Variants in PLXNA2 observed in about 807,000 individuals in gnomAD.
PLXNA2 encodes plexin A2.
PLXNA2 carries 91 observed loss-of-function variants against 193.5 expected under a neutral mutation model. The observed-to-expected ratio is 0.47, with a 90% CI of 0.40 to 0.56. The LOEUF is 0.56. PLXNA2 is among the 20% of genes least tolerant of loss of function. The pLI is 0.00. For synonymous variants in PLXNA2, 997 were observed against 1,027.3 expected, an observed-to-expected ratio of 0.97 and a Z score of 0.56; for missense variants, 1,995 against 2,503.2, an observed-to-expected ratio of 0.80 and a Z score of 4.33.
chr1:208,104,259 G>C (rs1667190164), intron 4 of PLXNA2, among the ~76,000 whole-genome samples: 1 of 152,194 alleles, frequency 6.6e-6, no homozygotes. Flanking sequence ...ATATGACGGA[G>C]ACATCTCCAC....
rs149381114 is a variant in PLXNA2 at position 208,033,490 on chromosome 1, C to T, written c.4884G>A (p.Thr1628=). ...ISRYDSSFRY[T]GSPDSLRSRA... The stretch of plus-strand genomic sequence containing the variant: ...GGGACCGCAGGCTGTCGGGGCTGCC[C>T]GTATACCTGAAGGAGGAGTCTGAGG... The change falls in exon 28 of 32, where the codon ACG becomes ACA. Residue 1628 remains threonine (T), a synonymous_variant. Transcript: ENST00000367033. 2.8e-5 allele frequency: 45 copies of T among 1,610,308 alleles called. No individual in the cohort carries two copies. Among genetic ancestry groups the T allele is most frequent in the Middle Eastern group, 1.8e-4 (1 of 5,676 alleles).
chr1:208,040,158 T>C, intron 22 of PLXNA2, 100 bp from the exon 23 acceptor site: 1 of 949,310 alleles, frequency 1.1e-6, no homozygotes, highest in South Asian at 1.4e-5. Flanking sequence ...CAATGGAGCA[T>C]GGGAGAACGC....
chr1:208,156,048 AC>A (rs1195243919), intron 3 of PLXNA2, among the ~76,000 whole-genome samples: 2 of 152,210 alleles, frequency 1.3e-5, no homozygotes, highest in Admixed American at 6.5e-5. Flanking sequence ...CTAAATAATG[AC>A]CCTGGGGCAG....
intron 3 of PLXNA2, among the ~76,000 whole-genome samples, chr1:208,207,759 G>C (rs1670782277): frequency 6.6e-6 from 1 of 152,162 alleles, no homozygotes; most frequent in Non-Finnish European, 1.5e-5. Context: ...CAAGTAAGCT[G>C]GTAGATGGGA....
At position 208,046,264 on chromosome 1, in the gene PLXNA2, G is replaced by C. The variant is rs192958590; in HGVS notation, c.3256-147C>G. The C allele has an allele frequency of 9.7e-4, 1,033 of 1,066,556 alleles. 1 individual carries two copies. The highest frequency in any genetic ancestry group is 1.3e-3 in the Non-Finnish European group (964 of 761,686). 66.1% of individuals were successfully genotyped at this position (1,066,556 alleles called of 1,614,324 possible). A position where few individuals can be genotyped will look rare whatever the true frequency, so the allele number is the denominator to read the frequency against. On this transcript the variant is annotated intron_variant, in intron 17 of 31. Transcript: ENST00000367033. ...TCCATTCCATGGGAAAGCCCTCCAGGAAAGGGCAGTGAAATTTTGGGGGAG... is the reference window on the plus strand; with the variant it reads ...TCCATTCCATGGGAAAGCCCTCCAGCAAAGGGCAGTGAAATTTTGGGGGAG...
chr1:208,137,181 T>G (rs1247068645), intron 4 of PLXNA2, among the ~76,000 whole-genome samples: 1 of 152,180 alleles, frequency 6.6e-6, no homozygotes, highest in Non-Finnish European at 1.5e-5. Flanking sequence ...TCACCATCCT[T>G]TCTGCTGTTC....
intron 12 of PLXNA2, among the ~76,000 whole-genome samples, chr1:208,062,308 C>T (rs1457263008): frequency 6.6e-6 from 1 of 152,188 alleles, no homozygotes; most frequent in Non-Finnish European, 1.5e-5. Flanking sequence ...CTTCTTATCT[C>T]CTGGCTTCTC....
At chr1:208,150,369 C>T (rs929069551) in intron 3 of PLXNA2, among the ~76,000 whole-genome samples, 4 of 152,038 alleles carry the variant, frequency 2.6e-5, no homozygotes, top group African/African-American at 7.2e-5. Flanking sequence ...GAGCTAACAG[C>T]GGGGTGCATG....
chr1:208,046,384 C>T (rs1466039132), intron 17 of PLXNA2, among the ~76,000 whole-genome samples: 1 of 152,066 alleles, frequency 6.6e-6, no homozygotes, highest in Non-Finnish European at 1.5e-5. Context: ...GGAGGTGGGG[C>T]TATAGAGCGG....
intron 3 of PLXNA2, among the ~76,000 whole-genome samples, chr1:208,208,426 T>C (rs1038870886): frequency 1.1e-4 from 17 of 152,376 alleles, no homozygotes; most frequent in African/African-American, 3.8e-4. Context: ...TCAGTTTCCC[T>C]GTCAAATAAT....
intron 11 of PLXNA2, among the ~76,000 whole-genome samples, chr1:208,080,719 T>C (rs1666307841): frequency 6.6e-6 from 1 of 152,170 alleles, no homozygotes; most frequent in Non-Finnish European, 1.5e-5. Flanking sequence ...AATGAATGAG[T>C]ACACACTGAG....
At chr1:208,215,618 AGATGGATGGATGGAT>A (rs1558248985) in intron 2 of PLXNA2, among the ~76,000 whole-genome samples, 1 of 151,428 alleles carries the variant, frequency 6.6e-6, no homozygotes, top group African/African-American at 2.4e-5. Context: ...ATAGGTGAAT[AGATGGATGGATGGAT>A]GATGGATGGA....
intron 29 of PLXNA2, chr1:208,030,004 T>C (rs373931251): frequency 7.1e-6 from 7 of 985,548 alleles, no homozygotes; most frequent in Non-Finnish European, 8.4e-6. Flanking sequence ...CCCTCCTTCA[T>C]CTTCTCTTGA....
intron 3 of PLXNA2, among the ~76,000 whole-genome samples, chr1:208,192,104 C>G (rs539729374): frequency 1.3e-5 from 2 of 152,290 alleles, no homozygotes; most frequent in Admixed American, 6.5e-5. Flanking sequence ...TCTCTCAGCC[C>G]GTGCTGCCTG....
intron 7 of PLXNA2, 70 bp from the exon 8 acceptor site, chr1:208,096,195 T>C (rs1286140572): frequency 2.5e-6 from 3 of 1,193,572 alleles, no homozygotes; most frequent in Non-Finnish European, 3.7e-6. Flanking sequence ...GCCACAAAAA[T>C]AAAATGTAAG....
intron 3 of PLXNA2, chr1:208,209,989 T>TTTTTTTTTTTTTTTTTTTTG (rs1670879604): frequency 5.6e-6 from 1 of 177,972 alleles, no homozygotes; most frequent in East Asian, 1.6e-4. Flanking sequence ...AGCAATTTTT[T>TTTTTTTTTTTTTTTTTTTTG]TTTTTTTTTT....
At chr1:208,147,251 G>A (rs1177305261) in intron 3 of PLXNA2, among the ~76,000 whole-genome samples, 3 of 151,966 alleles carry the variant, frequency 2.0e-5, no homozygotes, top group African/African-American at 7.3e-5. Flanking sequence ...TCAAACTCTT[G>A]AGCTCCAGTG....
chr1:208,033,216 G>T, intron 28 of PLXNA2, 103 bp downstream of exon 28: 1 of 1,107,466 alleles, frequency 9.0e-7, no homozygotes, highest in Non-Finnish European at 1.3e-6. Context: ...TGTCTGAATG[G>T]GTCCTCTTGA....
In PLXNA2 at chr1:208,038,540, G is replaced by A. The variant is rs1347413777; in HGVS notation, c.4661-66C>T. 21 of 1,312,248 alleles carry A rather than the reference G, an allele frequency of 1.6e-5. No individual in the cohort carries two copies. The highest frequency in any genetic ancestry group is 1.9e-5 in the Non-Finnish European group (17 of 906,396). The allele number at this position is 1,312,248 out of a possible 1,614,324, so 81.3% of individuals were successfully genotyped here. On this transcript the variant is annotated intron_variant, in intron 25 of 31. Coordinates refer to ENST00000367033, the MANE Select transcript of PLXNA2 (RefSeq NM_025179.4). The surrounding 1 kb of genome is among the most constrained non-coding windows in gnomAD (Gnocchi z 4.1). ...TGAGGGCTGTGAGCCAGTGTCTCCC[G>A]ATTGCACCTTCTCTAGGGACCTGGC... is the stretch of plus-strand genomic sequence containing the variant.
Sources: allele counts gnomAD v4.1 joint callset (sites outside exome capture counted in the v4.1 genomes callset), GRCh38; gene constraint gnomAD v4.1.1; non-coding constraint Gnocchi (gnomAD v3.1); transcripts MANE v1.5; gene names NCBI Gene and HGNC (gene_info 2026-07-23, HGNC 2026-07-21).